Variants in SMPD1 observed in about 807,000 individuals in gnomAD.
SMPD1 encodes the protein sphingomyelin phosphodiesterase.
SMPD1 carries 47 observed loss-of-function variants against 49.7 expected under a neutral mutation model. The ratio of observed to expected loss-of-function variants is 0.95; its 90% CI spans 0.75 to 1.21. The LOEUF is 1.21. Among genes scored for constraint, SMPD1 ranks in the 50% most tolerant of loss-of-function variants. The pLI is 0.00. For missense variants in SMPD1, 811 were observed against 822.2 expected (o/e 0.99, Z 0.17); for synonymous variants, 336 against 339.6 (o/e 0.99, Z 0.12).
At position 6,390,840 on chromosome 11, in the gene SMPD1, G is replaced by T. The variant is rs768566892; in HGVS notation, c.242G>T (p.Arg81Leu). The change falls in exon 1 of 6, where the codon CGA (arginine) becomes CTA (leucine). Residue 81 changes from arginine (R) to leucine (L), a missense_variant. Physicochemically the swap from Arg to Leu is moderately radical, Grantham distance 102. Transcript: ENST00000342245. ...ARLHRIVPRL[R>L]DVFGWGNLTC... ...TTACATCGCATAGTGCCCCGGCTCC[G>T]AGATGTCTTTGGGTGGGGGAACCTC... 1.2e-6 allele frequency: 2 copies of T among 1,614,130 alleles called. No individual in the cohort carries two copies. The highest frequency in any genetic ancestry group is 1.7e-5 in the Admixed American group (1 of 60,014).
Position 6,393,228 on chromosome 11 carries a change from C to G in SMPD1, c.1104C>G (p.Phe368Leu). The G allele has an allele frequency of 6.2e-7, 1 of 1,613,824 alleles. No homozygotes were observed. Residue 368 changes from phenylalanine to leucine, a missense_variant, in exon 3 of 6, where the codon TTC becomes TTG. By Grantham distance (22) the Phe-to-Leu change is conservative (BLOSUM62 0). Transcript: ENST00000342245. ...TACTTTGTTTCAGAATTGGGGGGTTCTATGCTCTTTCCCCATACCCCGGTC... is the reference window on the plus strand; with the variant it reads ...TACTTTGTTTCAGAATTGGGGGGTTGTATGCTCTTTCCCCATACCCCGGTC... Reference protein sequence around the residue: ...EALRTLRIGGFYALSPYPGLR... With the variant: ...EALRTLRIGGLYALSPYPGLR...
rs373394738 is a variant in SMPD1 at position 6,393,411 on chromosome 11, G to A, written c.1263+24G>A. The A allele has an allele frequency of 1.3e-5, 21 of 1,603,706 alleles. No homozygotes were observed. In the East Asian group the frequency reaches 1.3e-4, roughly 10 times the overall value. ...AAGTGAGGGCCAGTAGTGGGAACACGGTGGTGCTGGGGGACAAGCAGGCTC... is the reference window on the plus strand; with the variant it reads ...AAGTGAGGGCCAGTAGTGGGAACACAGTGGTGCTGGGGGACAAGCAGGCTC... On this transcript the variant is annotated intron_variant, in intron 3 of 5. Coordinates refer to ENST00000342245, the MANE Select transcript of SMPD1 (RefSeq NM_000543.5).
In SMPD1 at chr11:6,394,826, G is replaced by A. The variant is rs992759329; in HGVS notation, c.*219G>A. On this transcript the variant is annotated 3_prime_UTR_variant, in exon 6 of 6. Transcript: ENST00000342245. ...GTGCCCAGGAGCTAGACTGCCTTGA[G>A]GCTGCTGTCCTTTCACAGCCATGGA... The A allele has an allele frequency of 5.0e-6, 3 of 600,102 alleles. No individual in the cohort carries two copies. Among genetic ancestry groups the A allele is most frequent in the African/African-American group, 3.7e-5 (2 of 53,968 alleles). 37.2% of individuals were successfully genotyped at this position (600,102 alleles called of 1,614,324 possible).
At chr11:6,392,486 C>CTTTTTT (rs754271358) in intron 2 of SMPD1, among the ~76,000 whole-genome samples, 8 of 45,746 alleles carry the variant, frequency 1.7e-4, no homozygotes, top group Non-Finnish European at 2.2e-4. Flanking sequence ...CTGGCCCTCC[C>CTTTTTT]TTTTTTTTTT....
chr11:6,393,227 T>C lies in SMPD1; in HGVS notation c.1103T>C (p.Phe368Ser). The change falls in exon 3 of 6, where the codon TTC (phenylalanine) becomes TCC (serine). Residue 368 changes from phenylalanine to serine, a missense_variant. Transcript: ENST00000342245. The part of the protein sequence containing the change: ...EALRTLRIGG[F>S]YALSPYPGLR... ...TTACTTTGTTTCAGAATTGGGGGGT[T>C]CTATGCTCTTTCCCCATACCCCGGT... 1 of 1,613,824 alleles carries C rather than the reference T, an allele frequency of 6.2e-7. No individual in the cohort carries two copies. The highest frequency in any genetic ancestry group is 8.5e-7 in the Non-Finnish European group (1 of 1,179,800).
intron 2 of SMPD1, 107 bp downstream of exon 2, chr11:6,392,263 A>G: frequency 2.5e-6 from 3 of 1,204,724 alleles, no homozygotes; most frequent in Admixed American, 1.9e-5. Context: ...ATGAGTCCTT[A>G]GTGCTCTTCA....
In SMPD1 at chr11:6,394,026, A is replaced by G. The variant is rs1429766647; in HGVS notation, c.1471A>G (p.Ile491Val). 3 of 1,614,058 alleles carry G rather than the reference A, an allele frequency of 1.9e-6. No homozygotes were observed. The highest frequency in any genetic ancestry group is 2.2e-5 in the East Asian group (1 of 44,884). ...CCTGGCACCCAGTGCAACTACCTAC[A>G]TCGGCCTTAATCCTGGTGAGTGAGG... ...AFLAPSATTYIGLNPGYRVYQ... is the reference protein window; with the variant it reads ...AFLAPSATTYVGLNPGYRVYQ... Residue 491 changes from isoleucine (I) to valine (V), a missense_variant, in exon 5 of 6, where the codon ATC (isoleucine) becomes GTC (valine). Ile to Val is a conservative substitution (Grantham distance 29, BLOSUM62 3). Transcript: ENST00000342245.
At position 6,394,616 on chromosome 11, in the gene SMPD1, G is replaced by T; in HGVS notation, c.*9G>T. 6.3e-7 allele frequency: 1 copy of T among 1,599,346 alleles called. No homozygotes were observed. The highest frequency in any genetic ancestry group is 1.1e-5 in the South Asian group (1 of 91,042). ...GGCCACTGTTTTGCTAGGGCCCCAG[G>T]GCCCACATTTGGGAAAGTTCTTGAT... On this transcript the variant is annotated 3_prime_UTR_variant, in exon 6 of 6. Transcript: ENST00000342245.
In SMPD1 at chr11:6,394,304, C is replaced by T; in HGVS notation, c.1593C>T (p.Ala531=). 2.5e-6 allele frequency: 4 copies of T among 1,614,230 alleles called. No individual in the cohort carries two copies. The highest frequency in any genetic ancestry group is 3.4e-6 in the Non-Finnish European group (4 of 1,180,022). ...TGACCCAGGCAAACATACCGGGAGC[C>T]ATACCGCACTGGCAGCTTCTCTACA... ...LNLTQANIPG[A]IPHWQLLYRA... The change falls in exon 6 of 6, where the codon GCC becomes GCT. Residue 531 remains alanine, a synonymous_variant. Transcript: ENST00000342245.
rs2134006149 is a variant in SMPD1, at chr11:6,390,765, G to A, written c.167G>A (p.Trp56Ter). 1.2e-6 allele frequency: 2 copies of A among 1,613,512 alleles called. No individual in the cohort carries two copies. The highest frequency in any genetic ancestry group is 1.7e-6 in the Non-Finnish European group (2 of 1,179,748). ...GCTCTGTCTGACTCTCGGGTTCTCT[G>A]GGCTCCGGCAGAGGCTCACCCTCTT... Reference protein sequence around the residue: ...ALALSDSRVLWAPAEAHPLSP... With the variant: ...ALALSDSRVL Residue 56 changes from tryptophan to a stop codon, truncating the protein, a stop_gained, in exon 1 of 6, where the codon TGG becomes TAG. Coordinates refer to ENST00000342245, the MANE Select transcript of SMPD1 (RefSeq NM_000543.5). LOFTEE classifies it high-confidence loss of function.
At position 6,393,623 on chromosome 11, in the gene SMPD1, A is replaced by G. The variant is rs753011073; in HGVS notation, c.1270A>G (p.Ile424Val). 2 of 1,613,182 alleles carry G rather than the reference A, an allele frequency of 1.2e-6. No individual in the cohort carries two copies. Among genetic ancestry groups the G allele is most frequent in the Admixed American group, 3.3e-5 (2 of 60,012 alleles). Residue 424 changes from isoleucine to valine, a missense_variant, in exon 4 of 6, where the codon ATA becomes GTA. Transcript: ENST00000342245. ...AAEDRGDKVH[I>V]IGHIPPGHCL... ...CCTTAATTCTCCCTACTAGGTGCAT[A>G]TAATTGGCCACATTCCCCCAGGGCA...
At chr11:6,392,330 T>G in intron 2 of SMPD1, 174 bp downstream of exon 2, 1 of 126,024 alleles carries the variant, frequency 7.9e-6, no homozygotes, top group Non-Finnish European at 1.6e-5. Flanking sequence ...CGCACCAGGC[T>G]TTTTTTTTTT....
In SMPD1 at chr11:6,391,486, G is replaced by C. The variant is rs768820000; in HGVS notation, c.421G>C (p.Glu141Gln). The C allele has an allele frequency of 1.5e-5, 25 of 1,614,002 alleles. No individual in the cohort carries two copies. The South Asian group carries it at 2.7e-4, about 18-fold the overall frequency. The change falls in exon 2 of 6, where the codon GAG becomes CAG. Residue 141 changes from glutamate to glutamine, a missense_variant. Transcript: ENST00000342245. ...AVCQSIVHLFEDDMVEVWRRS... is the reference protein window; with the variant it reads ...AVCQSIVHLFQDDMVEVWRRS... ...GTGCCAATCCATTGTCCACCTCTTT[G>C]AGGATGACATGGTGGAGGTGTGGAG...
intron 1 of SMPD1, 50 bp downstream of exon 1, chr11:6,390,966 C>T: frequency 6.2e-7 from 1 of 1,603,350 alleles, no homozygotes; most frequent in Non-Finnish European, 8.5e-7. Flanking sequence ...AGTGCTGGGG[C>T]TGGGGGCTGG....
At chr11:6,391,361 A>C in intron 1 of SMPD1, 23 bp from the exon 2 acceptor site, 2 of 1,611,656 alleles carry the variant, frequency 1.2e-6, no homozygotes, top group Non-Finnish European at 1.7e-6. Context: ...CTGATTTCTC[A>C]CCATGCGCTC....
chr11:6,391,253 C>A, intron 1 of SMPD1, 131 bp from the exon 2 acceptor site: 1 of 875,320 alleles, frequency 1.1e-6, no homozygotes, highest in Non-Finnish European at 1.9e-6. Flanking sequence ...CAAAGGTGTG[C>A]ACTGAGCTTG....
chr11:6,391,279 C>G, intron 1 of SMPD1, 105 bp from the exon 2 acceptor site: 1 of 1,156,786 alleles, frequency 8.6e-7, no homozygotes, highest in Non-Finnish European at 1.3e-6. Context: ...CTGAGTCCTG[C>G]CCAGCCCCAG....
rs1848124696 is a variant in SMPD1, at chr11:6,394,961, A to G, written c.*354A>G. 1 of 337,994 alleles carries G rather than the reference A, an allele frequency of 3.0e-6. No individual in the cohort carries two copies. The highest frequency in any genetic ancestry group is 2.1e-5 in the African/African-American group (1 of 47,220). 20.9% of individuals were successfully genotyped at this position (337,994 alleles called of 1,614,324 possible). A position where few individuals can be genotyped will look rare whatever the true frequency, so the allele number is the denominator to read the frequency against. ...ACTGCTGCTGCGACCTGATGCTGCC[A>G]GTCTGTTAAAATAAAGATAAGAGAC... On this transcript the variant is annotated 3_prime_UTR_variant, in exon 6 of 6. Transcript: ENST00000342245.
At chr11:6,391,011 C>G in intron 1 of SMPD1, 95 bp downstream of exon 1, 2 of 1,473,586 alleles carry the variant, frequency 1.4e-6, no homozygotes, top group African/African-American at 2.8e-5. Context: ...AGAATGCATC[C>G]CTGATGGAGA....
Sources: allele counts gnomAD v4.1 joint callset (sites outside exome capture counted in the v4.1 genomes callset), GRCh38; gene constraint gnomAD v4.1.1; transcripts MANE v1.5; gene names NCBI Gene and HGNC (gene_info 2026-07-23, HGNC 2026-07-21).